The following PEAK1 variants were observed in gnomAD, a reference collection of about 807,000 sequenced individuals.
PEAK1 encodes the protein inactive tyrosine-protein kinase PEAK1.
PEAK1 carries 54 observed loss-of-function variants against 124.7 expected under a neutral mutation model. The ratio of observed to expected loss-of-function variants is 0.43; its 90% CI spans 0.35 to 0.54. The LOEUF (loss-of-function observed/expected upper bound fraction) is 0.54, where lower values mean the gene tolerates loss of function less well. PEAK1 is among the 20% of genes least tolerant of loss of function. The pLI is 0.01. For missense variants in PEAK1, 2,046 were observed against 2,134.5 expected (o/e 0.96, Z 0.82); for synonymous variants, 719 against 760.0 (o/e 0.95, Z 0.89).
chr15:77,350,424 G>A, intron 2 of PEAK1: 1 of 985,348 alleles, frequency 1.0e-6, no homozygotes, highest in Non-Finnish European at 1.2e-6. Context: ...GGAACAGCCT[G>A]AATGTAGCAA....
At chr15:77,353,247 C>T (rs532569579) in intron 2 of PEAK1, among the ~76,000 whole-genome samples, 3 of 152,174 alleles carry the variant, frequency 2.0e-5, no homozygotes, top group Non-Finnish European at 4.4e-5. Context: ...ATTTAACTTG[C>T]TTGTTACCAA....
intron 5 of PEAK1, among the ~76,000 whole-genome samples, chr15:77,282,951 T>C (rs2062746596): frequency 6.6e-6 from 1 of 152,184 alleles, no homozygotes; most frequent in African/African-American, 2.4e-5. Flanking sequence ...GCATATGTTT[T>C]GAAGTCATAC....
rs938598627 is a variant in PEAK1, at chr15:77,179,130, G to A, written c.2797C>T (p.Arg933Cys). The change falls in exon 7 of 10, where the codon CGC (arginine) becomes TGC (cysteine). Residue 933 changes from arginine to cysteine, a missense_variant. Transcript: ENST00000682557. ...KRWISFKSFF[R>C]RRKTDEEDDK... is the part of the protein sequence containing the mutation. ...TCCTCCTCATCTGTTTTCCGACGGCGGAAGAAGCTTTTAAATGATATCCAG... is the reference window on the plus strand; with the variant it reads ...TCCTCCTCATCTGTTTTCCGACGGCAGAAGAAGCTTTTAAATGATATCCAG... 13 of 1,614,116 alleles carry A rather than the reference G, an allele frequency of 8.1e-6. No individual in the cohort carries two copies. Among genetic ancestry groups the A allele is most frequent in the South Asian group, 1.1e-5 (1 of 91,080 alleles).
intron 1 of PEAK1, among the ~76,000 whole-genome samples, chr15:77,373,165 G>C (rs1315000227): frequency 6.6e-6 from 1 of 152,116 alleles, no homozygotes; most frequent in Non-Finnish European, 1.5e-5. Flanking sequence ...ATCCTCTCCT[G>C]CTCCTAACTG....
Position 77,181,786 on chromosome 15 carries a change from G to A in PEAK1, c.141C>T (p.Ala47=), listed in dbSNP as rs1307358471. The part of the protein sequence containing the change: ...PITHGNVKTN[A]NHSNNHRIRN... Reference sequence around the variant, plus strand: ...TGATGCGGTGGTTGTTACTGTGATTGGCATTAGTTTTCACATTGCCATGGG... The same window carrying A: ...TGATGCGGTGGTTGTTACTGTGATTAGCATTAGTTTTCACATTGCCATGGG... The change falls in exon 7 of 10, where the codon GCC becomes GCT. Residue 47 remains alanine (A), a synonymous_variant. Transcript: ENST00000682557. The A allele has an allele frequency of 6.2e-7, 1 of 1,613,962 alleles. No individual in the cohort carries two copies. The highest frequency in any genetic ancestry group is 8.5e-7 in the Non-Finnish European group (1 of 1,179,994).
intron 8 of PEAK1, among the ~76,000 whole-genome samples, chr15:77,151,295 G>T (rs1441363227): frequency 1.3e-5 from 2 of 151,818 alleles, no homozygotes; most frequent in Non-Finnish European, 2.9e-5. Context: ...GTGTCTTTTG[G>T]CTGCATAAAT....
chr15:77,220,570 G>T (rs934936705), intron 6 of PEAK1, among the ~76,000 whole-genome samples: 1 of 145,692 alleles, frequency 6.9e-6, no homozygotes. Flanking sequence ...CTATCAAACT[G>T]CTTTTAAAAT....
chr15:77,344,330 G>A (rs1429917383), intron 2 of PEAK1, among the ~76,000 whole-genome samples: 10 of 152,020 alleles, frequency 6.6e-5, no homozygotes, highest in Non-Finnish European at 4.4e-5. Context: ...TCCTGATCTC[G>A]TGATCCACCT....
chr15:77,409,760 CTT>C (rs1034601484), intron 1 of PEAK1, among the ~76,000 whole-genome samples: 15 of 152,256 alleles, frequency 9.9e-5, no homozygotes, highest in Middle Eastern at 3.4e-3. Context: ...ATACTAGCCT[CTT>C]AGCATTTTTA....
chr15:77,225,629 ATG>A (rs146458404), intron 6 of PEAK1, among the ~76,000 whole-genome samples: 48,684 of 114,822 alleles, frequency 0.42, 11,447 homozygotes, highest in Middle Eastern at 0.56. Flanking sequence ...CTTTCTACAG[ATG>A]TGTGTGTGTG....
intron 1 of PEAK1, among the ~76,000 whole-genome samples, chr15:77,391,901 G>A (rs1269101495): frequency 6.6e-6 from 1 of 152,180 alleles, no homozygotes; most frequent in Admixed American, 6.5e-5. Flanking sequence ...TCACCTGTAA[G>A]TTCTTAAAAA....
At chr15:77,407,410 A>G (rs1037921360) in intron 1 of PEAK1, among the ~76,000 whole-genome samples, 1 of 152,202 alleles carries the variant, frequency 6.6e-6, no homozygotes, top group African/African-American at 2.4e-5. Context: ...CATGGAACTC[A>G]AACAAATCAG....
chr15:77,249,349 A>C (rs2060738511), intron 6 of PEAK1, among the ~76,000 whole-genome samples: 2 of 152,220 alleles, frequency 1.3e-5, no homozygotes, highest in South Asian at 2.1e-4. Context: ...AAATAAACTT[A>C]GATAAAACTA....
intron 9 of PEAK1, among the ~76,000 whole-genome samples, chr15:77,123,262 C>T (rs183900831): frequency 1.3e-5 from 2 of 152,310 alleles, no homozygotes; most frequent in South Asian, 2.1e-4. Flanking sequence ...AAAGTAACTG[C>T]ATCCAAATTT....
chr15:77,389,797 T>C (rs2070299528), intron 1 of PEAK1, among the ~76,000 whole-genome samples: 1 of 152,158 alleles, frequency 6.6e-6, no homozygotes, highest in African/African-American at 2.4e-5. Context: ...ACCATCCCTG[T>C]ATACCCTAGA....
In PEAK1 at chr15:77,314,174, T is replaced by C. The variant is rs182907637; in HGVS notation, c.-602-27670A>G. Among the ~76,000 whole-genome samples the C allele has an allele frequency of 4.6e-5, 7 of 152,298 alleles. No homozygotes were observed. The East Asian group carries it at 1.2e-3, about 25-fold the overall frequency. On this transcript the variant is annotated intron_variant, in intron 2 of 9. Coordinates refer to ENST00000682557, the MANE Select transcript of PEAK1 (RefSeq NM_001385026.1). ...GGTTTGTGTTATAAGAGTTAAAGCA[T>C]ATGCTATCATTGTATTCTTTAAGAA... is the stretch of plus-strand genomic sequence containing the variant.
intron 1 of PEAK1, among the ~76,000 whole-genome samples, chr15:77,411,114 T>C (rs982332266): frequency 2.6e-5 from 4 of 151,454 alleles, no homozygotes; most frequent in African/African-American, 9.7e-5. Context: ...AGATGATAAA[T>C]GTGAATGTCT....
At chr15:77,191,744 T>C (rs528388588) in intron 6 of PEAK1, among the ~76,000 whole-genome samples, 1 of 152,264 alleles carries the variant, frequency 6.6e-6, no homozygotes, top group African/African-American at 2.4e-5. Flanking sequence ...AAAGAATATA[T>C]TGACAGGAGG....
At chr15:77,344,276 A>G (rs1406896954) in intron 2 of PEAK1, among the ~76,000 whole-genome samples, 1 of 151,850 alleles carries the variant, frequency 6.6e-6, no homozygotes, top group Non-Finnish European at 1.5e-5. Context: ...TTGTATTTTT[A>G]GTAGAGACGG....
Sources: gnomAD v4.1 joint callset for allele counts (sites outside exome capture counted in the v4.1 genomes callset) on GRCh38, gnomAD v4.1.1 for gene constraint, MANE v1.5 for transcripts, NCBI Gene and HGNC (gene_info 2026-07-23, HGNC 2026-07-21) for gene names.